Variants in TAX1BP1 observed in about 807,000 individuals in gnomAD.
TAX1BP1 encodes the protein Tax1 binding protein 1.
Under a neutral mutation model 97.7 loss-of-function variants are expected in TAX1BP1, and 62 were observed. The observed-to-expected ratio is 0.63, with a 90% CI of 0.52 to 0.78. The LOEUF is 0.78. Ranked by LOEUF, TAX1BP1 falls within the 30% of genes least tolerant of loss-of-function variation. TAX1BP1 has a pLI of 0.00. For missense variants in TAX1BP1, 867 were observed against 916.1 expected, an observed-to-expected ratio of 0.95 and a Z score of 0.69; for synonymous variants, 340 against 304.2, an observed-to-expected ratio of 1.12 and a Z score of -1.23.
chr7:27,788,808 T>A (rs1562722731), intron 8 of TAX1BP1, among the ~76,000 whole-genome samples: 1 of 152,012 alleles, frequency 6.6e-6, no homozygotes, highest in Non-Finnish European at 1.5e-5. Flanking sequence ...TATTACCATT[T>A]CTCCAAGAAA....
At chr7:27,788,098 A>G (rs962379912) in intron 8 of TAX1BP1, among the ~76,000 whole-genome samples, 1 of 152,012 alleles carries the variant, frequency 6.6e-6, no homozygotes, top group Non-Finnish European at 1.5e-5. Context: ...TAGTGTCCCT[A>G]CACTTTTTAT....
rs141091950 is a variant in TAX1BP1 at position 27,768,665 on chromosome 7, C to G, written c.454-1011C>G. 4.8e-3 allele frequency among the ~76,000 whole-genome samples: 729 copies of G among 151,918 alleles called. 5 individuals are homozygous for G. Among genetic ancestry groups the G allele is most frequent in the African/African-American group, 0.013 (551 of 41,490 alleles). ...TTTATTGAATGCCATTTATTGCAAA[C>G]TATTTCAAATCATTTTTTAAAAATA... On this transcript the variant is annotated intron_variant, in intron 4 of 16. Coordinates refer to ENST00000396319, the MANE Select transcript of TAX1BP1 (RefSeq NM_006024.7).
intron 12 of TAX1BP1, among the ~76,000 whole-genome samples, chr7:27,797,032 C>G (rs999629833): frequency 1.3e-5 from 2 of 150,682 alleles, no homozygotes; most frequent in East Asian, 2.0e-4. Flanking sequence ...GAGTCTCACT[C>G]TCTCGCTCAG....
chr7:27,817,844 T>C (rs1790837545), intron 15 of TAX1BP1, among the ~76,000 whole-genome samples: 1 of 152,112 alleles, frequency 6.6e-6, no homozygotes, highest in Non-Finnish European at 1.5e-5. Flanking sequence ...ATGACCTGTT[T>C]CTTATTTAAT....
intron 2 of TAX1BP1, among the ~76,000 whole-genome samples, chr7:27,753,328 G>A (rs779994864): frequency 1.3e-5 from 2 of 152,126 alleles, no homozygotes; most frequent in Non-Finnish European, 2.9e-5. Flanking sequence ...AACTGCACCT[G>A]ATGCCATATC....
At chr7:27,786,767 G>T (rs1312753959) in intron 7 of TAX1BP1, among the ~76,000 whole-genome samples, 1 of 152,190 alleles carries the variant, frequency 6.6e-6, no homozygotes, top group Non-Finnish European at 1.5e-5. Flanking sequence ...AGTGCAAGAA[G>T]TAAGTTAATT....
chr7:27,799,931 A>C lies in TAX1BP1; in HGVS notation c.1639-34A>C, dbSNP rs1232971725. 1.9e-6 allele frequency: 3 copies of C among 1,542,608 alleles called. No homozygotes were observed. The African/African-American group carries it at 4.2e-5, about 21-fold the overall frequency. On this transcript the variant is annotated intron_variant, in intron 12 of 16. Transcript: ENST00000396319. ...ATAGATTTTCACTCTACATGAATTT[A>C]AAATCTTTTGGTAATTATACTAATT...
intron 13 of TAX1BP1, among the ~76,000 whole-genome samples, chr7:27,805,181 C>A (rs1332355960): frequency 6.6e-6 from 1 of 152,156 alleles, no homozygotes; most frequent in Non-Finnish European, 1.5e-5. Context: ...AAATTGTAAT[C>A]AGGCTTTCTA....
intron 15 of TAX1BP1, among the ~76,000 whole-genome samples, chr7:27,826,820 A>G (rs894940185): frequency 1.3e-5 from 2 of 152,206 alleles, no homozygotes; most frequent in Admixed American, 6.5e-5. Flanking sequence ...TTGTTCCTCT[A>G]TAGCAGAGTT....
intron 5 of TAX1BP1, among the ~76,000 whole-genome samples, chr7:27,778,859 T>TAA (rs10710065): frequency 6.8e-6 from 1 of 148,036 alleles, no homozygotes; most frequent in South Asian, 2.1e-4. Flanking sequence ...AGACTGCGTT[T>TAA]AAAAAAAAAA....
intron 2 of TAX1BP1, among the ~76,000 whole-genome samples, chr7:27,753,775 T>A (rs58787573): frequency 0.036 from 5,546 of 152,290 alleles, 332 homozygotes; most frequent in African/African-American, 0.13. Context: ...GTAAAAGTTA[T>A]GTGAATGTGG....
At chr7:27,785,027 CTT>C in intron 5 of TAX1BP1, 134 bp from the exon 6 acceptor site, 1 of 794,180 alleles carries the variant, frequency 1.3e-6, no homozygotes, top group Non-Finnish European at 1.9e-6. Context: ...GTTTTATAGT[CTT>C]AGCTTCTCAA....
At chr7:27,816,848 A>T (rs761418008) in intron 14 of TAX1BP1, 42 bp from the exon 15 acceptor site, 142 of 1,609,654 alleles carry the variant, frequency 8.8e-5, no homozygotes, top group South Asian at 5.5e-4. Context: ...TGTTAGTTGT[A>T]GTAACCAGTT....
chr7:27,827,859 C>T (rs773441250), intron 16 of TAX1BP1, 39 bp downstream of exon 16: 24 of 1,573,584 alleles, frequency 1.5e-5, no homozygotes, highest in Admixed American at 6.7e-5. Flanking sequence ...TGGGTTATAT[C>T]GGCCAGTGGT....
At chr7:27,781,843 G>A (rs1365516340) in intron 5 of TAX1BP1, among the ~76,000 whole-genome samples, 3 of 151,640 alleles carry the variant, frequency 2.0e-5, no homozygotes, top group East Asian at 3.9e-4. Context: ...CTCAGCCTCC[G>A]GAGTAACTGG....
intron 5 of TAX1BP1, among the ~76,000 whole-genome samples, chr7:27,777,263 A>G (rs1207142707): frequency 6.6e-6 from 1 of 152,126 alleles, no homozygotes; most frequent in Non-Finnish European, 1.5e-5. Flanking sequence ...ATTCCTAAAA[A>G]TATTCTTGAG....
intron 3 of TAX1BP1, among the ~76,000 whole-genome samples, chr7:27,760,322 ATACT>A (rs1788375707): frequency 1.3e-5 from 2 of 152,166 alleles, no homozygotes; most frequent in South Asian, 2.1e-4. Flanking sequence ...TAGCATGCAA[ATACT>A]TACTTCAGAA....
rs759294494 is a variant in TAX1BP1 at position 27,803,084 on chromosome 7, T to A, written c.1764+2994T>A. 3.9e-6 allele frequency: 6 copies of A among 1,534,650 alleles called. No individual in the cohort carries two copies. The African/African-American group carries it at 6.9e-5, about 18-fold the overall frequency. On this transcript the variant is annotated intron_variant, in intron 13 of 16. Transcript: ENST00000396319. ...GAGGGAGTAGGTAAATGAAAAAAAA[T>A]AAAGAAATTTCTTTCTTTATTCAGC...
intron 1 of TAX1BP1, among the ~76,000 whole-genome samples, chr7:27,741,495 C>T (rs893047676): frequency 6.6e-5 from 10 of 151,126 alleles, no homozygotes; most frequent in Non-Finnish European, 1.2e-4. Context: ...CTAGTCATCA[C>T]GTTCTTTTTT....
Sources: gnomAD v4.1 joint callset for allele counts (sites outside exome capture counted in the v4.1 genomes callset) on GRCh38, gnomAD v4.1.1 for gene constraint, MANE v1.5 for transcripts, NCBI Gene and HGNC (gene_info 2026-07-23, HGNC 2026-07-21) for gene names.